Variants in ENOX1 observed in about 807,000 individuals in gnomAD.
ENOX1 encodes ecto-NOX disulfide-thiol exchanger 1.
In ENOX1, 42 loss-of-function variants were observed where a neutral mutation model predicts 82.5. The observed-to-expected ratio is 0.51, with a 90% CI of 0.40 to 0.66. The LOEUF is 0.66. ENOX1 is among the 30% of genes least tolerant of loss of function. ENOX1 has a pLI of 0.00. For synonymous variants in ENOX1, 271 were observed against 282.2 expected (o/e 0.96, Z 0.40); for missense variants, 608 against 811.6 (o/e 0.75, Z 3.05).
At chr13:43,296,922 G>A (rs2046315515) in intron 12 of ENOX1, among the ~76,000 whole-genome samples, 1 of 152,144 alleles carries the variant, frequency 6.6e-6, no homozygotes, top group South Asian at 2.1e-4. Flanking sequence ...TCATCTTGGC[G>A]AGGGTGCCAA....
At chr13:43,361,569 C>G in intron 5 of ENOX1, 117 bp from the exon 6 acceptor site, 2 of 935,052 alleles carry the variant, frequency 2.1e-6, no homozygotes, top group Non-Finnish European at 3.1e-6. Flanking sequence ...GGAATTTCTC[C>G]TGGCATAAGA....
intron 3 of ENOX1, among the ~76,000 whole-genome samples, chr13:43,414,032 T>C (rs1432599691): frequency 6.6e-6 from 1 of 152,174 alleles, no homozygotes; most frequent in African/African-American, 2.4e-5. Flanking sequence ...TTAATGATGA[T>C]TTTAGAATTA....
intron 2 of ENOX1, among the ~76,000 whole-genome samples, chr13:43,608,580 G>A (rs1182568680): frequency 1.3e-5 from 2 of 152,156 alleles, no homozygotes; most frequent in African/African-American, 4.8e-5. Flanking sequence ...AGAAATGAGT[G>A]TGACAGGAGC....
At chr13:43,769,826 C>T (rs1951486766) in intron 1 of ENOX1, among the ~76,000 whole-genome samples, 1 of 152,244 alleles carries the variant, frequency 6.6e-6, no homozygotes. Flanking sequence ...TGAAATTCTG[C>T]TTTAATTCTG....
chr13:43,401,777 T>C (rs1281419910), intron 5 of ENOX1, among the ~76,000 whole-genome samples: 11 of 152,138 alleles, frequency 7.2e-5, no homozygotes, highest in Admixed American at 5.9e-4. Flanking sequence ...GTGTTTTGCC[T>C]CAGAAACCGG....
chr13:43,459,182 A>G (rs2057356586), intron 3 of ENOX1: 1 of 152,246 alleles, frequency 6.6e-6, no homozygotes, highest in Admixed American at 6.5e-5. Flanking sequence ...TGGTACCATC[A>G]ACATTTTAGA....
chr13:43,441,907 A>C (rs1178487359), intron 3 of ENOX1, among the ~76,000 whole-genome samples: 1 of 152,110 alleles, frequency 6.6e-6, no homozygotes, highest in Admixed American at 6.5e-5. Flanking sequence ...TTGGTGTTTG[A>C]AATAAAATTC....
chr13:43,730,773 TC>T (rs973452484), intron 1 of ENOX1, among the ~76,000 whole-genome samples: 16 of 152,272 alleles, frequency 1.1e-4, no homozygotes, highest in Middle Eastern at 6.8e-3. Flanking sequence ...TACTTGCAGC[TC>T]CCTGCAATGT....
At chr13:43,780,246 T>A (rs1387815490) in intron 1 of ENOX1, among the ~76,000 whole-genome samples, 1 of 151,798 alleles carries the variant, frequency 6.6e-6, no homozygotes, top group Non-Finnish European at 1.5e-5. Flanking sequence ...AACAAATGTT[T>A]ATTAAAGAAA....
intron 2 of ENOX1, among the ~76,000 whole-genome samples, chr13:43,520,875 G>A (rs2153682632): frequency 6.6e-6 from 1 of 152,252 alleles, no homozygotes; most frequent in East Asian, 1.9e-4. Context: ...TAAGATCAGT[G>A]GTGGTCACCC....
intron 8 of ENOX1, among the ~76,000 whole-genome samples, chr13:43,350,260 G>C (rs981992835): frequency 2.0e-5 from 3 of 152,138 alleles, no homozygotes; most frequent in African/African-American, 7.2e-5. Context: ...ATTGGCACAT[G>C]TTCATTTTAT....
chr13:43,631,592 CCT>C (rs1432770732), intron 2 of ENOX1, among the ~76,000 whole-genome samples: 5 of 152,044 alleles, frequency 3.3e-5, no homozygotes, highest in Non-Finnish European at 7.4e-5. Context: ...TGCAAGAACC[CCT>C]GTCTGCTAAT....
chr13:43,282,094 G>T (rs2045419591), intron 12 of ENOX1, among the ~76,000 whole-genome samples: 1 of 152,046 alleles, frequency 6.6e-6, no homozygotes, highest in Non-Finnish European at 1.5e-5. Context: ...TTTCTTGGTT[G>T]TTTTAGTTTA....
intron 16 of ENOX1, among the ~76,000 whole-genome samples, chr13:43,223,164 T>C (rs576884737): frequency 6.6e-6 from 1 of 152,376 alleles, no homozygotes; most frequent in South Asian, 2.1e-4. Context: ...GACACAGCAC[T>C]GCAGTCTGCT....
chr13:43,213,524 CTTTTTTTCTTTTTCTTTTTCTTT>C lies in ENOX1; in HGVS notation c.*443_*465del, dbSNP rs2041285260. The C allele has an allele frequency of 2.4e-5, 2 of 83,366 alleles. No homozygotes were observed. Among genetic ancestry groups the C allele is most frequent in the Non-Finnish European group, 5.3e-5 (2 of 37,792 alleles). 5.2% of individuals were successfully genotyped at this position (83,366 alleles called of 1,614,324 possible). On this transcript the variant is annotated 3_prime_UTR_variant, in exon 17 of 17. Transcript: ENST00000690772. ...CTCACTGTAAAACTTTTTCTTTTTT[CTTTTTTTCTTTTTCTTTTTCTTT>C]TTTTTTTTTTTTTTTTTTTTACTAA...
intron 3 of ENOX1, among the ~76,000 whole-genome samples, chr13:43,443,616 A>G (rs1049507180): frequency 3.3e-5 from 5 of 152,126 alleles, no homozygotes; most frequent in South Asian, 4.2e-4. Context: ...AGACACGTAT[A>G]TAACTGATTA....
chr13:43,772,749 TAAAAAAAAAAA>T (rs35359203), intron 1 of ENOX1, among the ~76,000 whole-genome samples: 1 of 112,110 alleles, frequency 8.9e-6, no homozygotes, highest in Non-Finnish European at 1.7e-5. Flanking sequence ...ACTCTGTCTT[TAAAAAAAAAAA>T]AAAAAAAAAA....
chr13:43,600,866 A>G (rs2081680938), intron 2 of ENOX1, among the ~76,000 whole-genome samples: 1 of 152,192 alleles, frequency 6.6e-6, no homozygotes, highest in East Asian at 1.9e-4. Flanking sequence ...GTAAGGGAAG[A>G]GAAGAAGAGT....
intron 12 of ENOX1, among the ~76,000 whole-genome samples, chr13:43,281,292 C>A (rs2045368218): frequency 6.6e-6 from 1 of 152,184 alleles, no homozygotes; most frequent in Admixed American, 6.5e-5. Context: ...CTGCTGAAAT[C>A]TATCTGGCAA....
Sources: allele counts gnomAD v4.1 joint callset (sites outside exome capture counted in the v4.1 genomes callset), GRCh38; gene constraint gnomAD v4.1.1; transcripts MANE v1.5; gene names NCBI Gene and HGNC (gene_info 2026-07-23, HGNC 2026-07-21).